The following SI variants were observed in gnomAD, a reference collection of about 807,000 sequenced individuals.
The protein encoded by SI is sucrase-isomaltase, intestinal.
SI carries 235 observed loss-of-function variants against 253.3 expected under a neutral mutation model. The observed-to-expected ratio is 0.93, with a 90% CI of 0.83 to 1.03. The LOEUF (loss-of-function observed/expected upper bound fraction) is 1.03. SI is among the 50% of genes least tolerant of loss of function. SI has a pLI of 0.00. For missense variants in SI, 2,442 were observed against 2,211.1 expected (o/e 1.10, Z -2.09); for synonymous variants, 819 against 712.0 (o/e 1.15, Z -2.39).
At position 164,994,273 on chromosome 3, in the gene SI, G is replaced by A. The variant is rs200328403; in HGVS notation, c.4825C>T (p.Arg1609Ter). 92 of 1,610,482 alleles carry A rather than the reference G, an allele frequency of 5.7e-5. No homozygotes were observed. Among genetic ancestry groups the A allele is most frequent in the Middle Eastern group, 1.7e-4 (1 of 6,026 alleles). The change falls in exon 41 of 48, where the codon CGA becomes TGA. Residue 1609 changes from arginine to a stop codon, truncating the protein, a stop_gained. Coordinates refer to ENST00000264382, the MANE Select transcript of SI (RefSeq NM_001041.4). LOFTEE classifies it high-confidence loss of function. The stretch of plus-strand genomic sequence containing the variant: ...TGTACTTACTCATGCAAAAGGGGTC[G>A]GATAACAGTGCCACCATTAGCATGA... ...EIHANGGTVI[R>*]PLLHEFFDEK...
rs749838260 is a variant in SI at position 164,982,333 on chromosome 3, C to G, written c.5325G>C (p.Trp1775Cys). Residue 1775 changes from tryptophan to cysteine, a missense_variant, in exon 47 of 48, where the codon TGG (tryptophan) becomes TGC (cysteine). Coordinates refer to ENST00000264382, the MANE Select transcript of SI (RefSeq NM_001041.4). ...CATTGACAGGAGTAGTTCCTTTCCC[C>G]CATACATGAAGGGATCCAAGCCTCG... ...SETRLGSLHV[W>C]GKGTTPVNAV... 1 of 1,612,408 alleles carries G rather than the reference C, an allele frequency of 6.2e-7. No individual in the cohort carries two copies. The highest frequency in any genetic ancestry group is 8.5e-7 in the Non-Finnish European group (1 of 1,178,846).
intron 45 of SI, among the ~76,000 whole-genome samples, chr3:164,984,775 T>C (rs998513399): frequency 6.6e-6 from 1 of 152,148 alleles, no homozygotes; most frequent in Non-Finnish European, 1.5e-5. Flanking sequence ...CATTATAATA[T>C]ATCACAAAAT....
chr3:165,004,944 C>G (rs936992707), intron 37 of SI, among the ~76,000 whole-genome samples: 1 of 151,990 alleles, frequency 6.6e-6, no homozygotes, highest in Non-Finnish European at 1.5e-5. Flanking sequence ...GGCGGTTTCC[C>G]CTACGCTATT....
chr3:165,056,298 AAG>A, intron 12 of SI, among the ~76,000 whole-genome samples: 1 of 152,144 alleles, frequency 6.6e-6, no homozygotes, highest in Non-Finnish European at 1.5e-5. Flanking sequence ...GGGAAACTTT[AAG>A]TTGGATGAAT....
At chr3:165,058,568 A>C (rs1284787562) in intron 12 of SI, among the ~76,000 whole-genome samples, 4 of 152,052 alleles carry the variant, frequency 2.6e-5, no homozygotes, top group African/African-American at 9.6e-5. Flanking sequence ...CAAATAAACA[A>C]AATCAGTGAT....
upstream of SI, among the ~76,000 whole-genome samples, chr3:165,080,399 C>A (rs1715266802): frequency 6.6e-6 from 1 of 151,946 alleles, no homozygotes; most frequent in African/African-American, 2.4e-5. Context: ...CTTTTGTTCT[C>A]TCCAGTTAAA....
intron 22 of SI, among the ~76,000 whole-genome samples, chr3:165,034,038 C>G (rs1410912903): frequency 6.6e-6 from 1 of 151,452 alleles, no homozygotes; most frequent in Non-Finnish European, 1.5e-5. Flanking sequence ...AAGATAAGGA[C>G]TGAAATAGTT....
At chr3:165,069,338 T>A (rs1024015091) in intron 3 of SI, 143 bp from the exon 4 acceptor site, 5 of 651,130 alleles carry the variant, frequency 7.7e-6, no homozygotes, top group Non-Finnish European at 1.1e-5. Flanking sequence ...GCTCTTTTGT[T>A]TCTTCTACCT....
In SI at chr3:165,067,322, G is replaced by T. The variant is rs1020274146; in HGVS notation, c.635+18C>A. 2.6e-6 allele frequency: 4 copies of T among 1,553,634 alleles called. No individual in the cohort carries two copies. Among genetic ancestry groups the T allele is most frequent in the Non-Finnish European group, 2.7e-6 (3 of 1,130,660 alleles). On this transcript the variant is annotated intron_variant, in intron 6 of 47. Transcript: ENST00000264382. ...AATAATAGAATAAACTTATATAATTGTAAAATAATACACTTACAAAGTTTT... is the reference window on the plus strand; with the variant it reads ...AATAATAGAATAAACTTATATAATTTTAAAATAATACACTTACAAAGTTTT...
At chr3:165,065,167 A>G (rs1714172478) in intron 7 of SI, 94 bp downstream of exon 7, 1 of 799,030 alleles carries the variant, frequency 1.3e-6, no homozygotes, top group African/African-American at 1.7e-5. Context: ...AGTTTAGTTG[A>G]TCAGTTAAAA....
Position 165,021,334 on chromosome 3 carries a change from A to C in SI, c.3149T>G (p.Ile1050Ser). The change falls in exon 27 of 48, where the codon ATT becomes AGT. Residue 1050 changes from isoleucine (I) to serine (S), a missense_variant. Coordinates refer to ENST00000264382, the MANE Select transcript of SI (RefSeq NM_001041.4). ...KRYEVPVPLN[I>S]PTTPISTYED... ...ATAAGTACTTATTGGGGTGGTTGGAATGTTTAACGGTACTGGTACTTCATA... is the reference window on the plus strand; with the variant it reads ...ATAAGTACTTATTGGGGTGGTTGGACTGTTTAACGGTACTGGTACTTCATA... 6.2e-7 allele frequency: 1 copy of C among 1,611,084 alleles called. No homozygotes were observed. Among genetic ancestry groups the C allele is most frequent in the African/African-American group, 1.3e-5 (1 of 74,840 alleles).
intron 12 of SI, 145 bp from the exon 13 acceptor site, chr3:165,055,452 A>G (rs1335508153): frequency 1.8e-6 from 1 of 556,808 alleles, no homozygotes; most frequent in Admixed American, 3.2e-5. Flanking sequence ...TAAATTTACA[A>G]GAATATCATG....
chr3:165,062,794 A>G (rs9829467), intron 8 of SI, among the ~76,000 whole-genome samples: 87,546 of 151,752 alleles, frequency 0.58, 25,700 homozygotes, highest in East Asian at 0.81. Flanking sequence ...ATTTTTCTCT[A>G]AAACTGCATT....
intron 16 of SI, among the ~76,000 whole-genome samples, chr3:165,043,575 C>A (rs945797597): frequency 4.6e-5 from 7 of 151,934 alleles, no homozygotes; most frequent in Non-Finnish European, 1.0e-4. Context: ...AATAAAATAA[C>A]AAACTGTGAC....
At chr3:164,989,815 A>T (rs1304185175) in intron 44 of SI, among the ~76,000 whole-genome samples, 4 of 152,142 alleles carry the variant, frequency 2.6e-5, no homozygotes, top group Non-Finnish European at 4.4e-5. Context: ...ATAACTAAGT[A>T]AAAAAAGTCA....
chr3:165,003,725 G>T lies in SI; in HGVS notation c.4406+3091C>A, dbSNP rs571047103. On this transcript the variant is annotated intron_variant, in intron 37 of 47. Transcript: ENST00000264382. Reference sequence around the variant, plus strand: ...CCTGGAAAGTTTTAAATATTCAGATGCTTAGGCTATAAAAGAGACCAATTA... The same window carrying T: ...CCTGGAAAGTTTTAAATATTCAGATTCTTAGGCTATAAAAGAGACCAATTA... Among the ~76,000 whole-genome samples, 3 of 152,132 alleles carry T rather than the reference G, an allele frequency of 2.0e-5. No individual in the cohort carries two copies. The South Asian group carries it at 6.2e-4, about 32-fold the overall frequency.
chr3:165,070,946 G>A (rs1398482224), intron 3 of SI, among the ~76,000 whole-genome samples: 2 of 151,902 alleles, frequency 1.3e-5, no homozygotes, highest in Non-Finnish European at 2.9e-5. Context: ...GTGGCTCCTG[G>A]CAATCCTTGG....
chr3:165,085,826 T>C, the SI span, among the ~76,000 whole-genome samples: 1 of 152,258 alleles, frequency 6.6e-6, no homozygotes, highest in Admixed American at 6.5e-5. Flanking sequence ...TTTCAGAATA[T>C]ACAAGACAAA....
chr3:165,058,510 A>G (rs1334527035), intron 12 of SI, among the ~76,000 whole-genome samples: 1 of 151,950 alleles, frequency 6.6e-6, no homozygotes, highest in African/African-American at 2.4e-5. Context: ...TTGAAAATAT[A>G]AACAAAGTCA....
Sources: gnomAD v4.1 joint callset for allele counts (sites outside exome capture counted in the v4.1 genomes callset) on GRCh38, gnomAD v4.1.1 for gene constraint, MANE v1.5 for transcripts, NCBI Gene and HGNC (gene_info 2026-07-23, HGNC 2026-07-21) for gene names.